GSK3B: variants seen among roughly 807,000 people sequenced by gnomAD.
GSK3B encodes glycogen synthase kinase-3 beta.
Under a neutral mutation model 56.4 loss-of-function variants are expected in GSK3B, and 15 were observed. The ratio of observed to expected loss-of-function variants is 0.27; its 90% CI spans 0.18 to 0.41. The LOEUF (loss-of-function observed/expected upper bound fraction) is 0.41, where lower values mean the gene tolerates loss of function less well. Ranked by LOEUF, GSK3B falls within the 10% of genes least tolerant of loss-of-function variation. The pLI is 1.00. For synonymous variants in GSK3B, 181 were observed against 188.9 expected, an observed-to-expected ratio of 0.96 and a Z score of 0.34; for missense variants, 300 against 513.4, an observed-to-expected ratio of 0.58 and a Z score of 4.02.
Position 120,046,862 on chromosome 3 carries a change from C to T in GSK3B, c.89-44623G>A, listed in dbSNP as rs554932484. ...CTAACCTCAAGTGATCTGCCCGCCT[C>T]GGCCTCCCAAAGTGCTGGGATTATG... On this transcript the variant is annotated intron_variant, in intron 1 of 10. Transcript: ENST00000264235. Among the ~76,000 whole-genome samples the T allele has an allele frequency of 3.2e-3, 484 of 152,292 alleles. 1 individual carries two copies. The highest frequency in any genetic ancestry group is 5.8e-3 in the Non-Finnish European group (392 of 68,018).
At position 119,854,796 on chromosome 3, in the gene GSK3B, C is replaced by T. The variant is rs554146205; in HGVS notation, c.1096+8623G>A. 4.0e-4 allele frequency among the ~76,000 whole-genome samples: 60 copies of T among 151,894 alleles called. No homozygotes were observed. In the East Asian group the frequency reaches 9.7e-3, roughly 25 times the overall value. ...TTTATCATTTTTTATTGCGTCTATT[C>T]GATTCTTCTCTCTTTTCTTCTTTAT... On this transcript the variant is annotated intron_variant, in intron 9 of 10. Transcript: ENST00000264235.
At chr3:119,893,766 C>G (rs1369266596) in intron 7 of GSK3B, among the ~76,000 whole-genome samples, 4 of 151,930 alleles carry the variant, frequency 2.6e-5, no homozygotes, top group Non-Finnish European at 5.9e-5. Flanking sequence ...TCTGAGAAAC[C>G]CTTTAGAGTC....
intron 8 of GSK3B, among the ~76,000 whole-genome samples, chr3:119,870,699 T>C (rs1432405850): frequency 1.3e-5 from 2 of 152,130 alleles, no homozygotes; most frequent in South Asian, 4.1e-4. Context: ...ATAATAAGGA[T>C]GTGGGTAGAA....
chr3:119,985,281 C>A (rs887864177), intron 2 of GSK3B, among the ~76,000 whole-genome samples: 4 of 152,150 alleles, frequency 2.6e-5, no homozygotes, highest in African/African-American at 9.7e-5. Flanking sequence ...CAACACAAGA[C>A]AAGGATGCCC....
chr3:119,827,723 C>CA (rs1170962932), intron 10 of GSK3B, among the ~76,000 whole-genome samples: 7 of 151,404 alleles, frequency 4.6e-5, no homozygotes, highest in Non-Finnish European at 7.4e-5. Context: ...ATAAGCCAGA[C>CA]AGAGAAAGAC....
At chr3:119,941,437 G>C (rs1249048479) in intron 3 of GSK3B, among the ~76,000 whole-genome samples, 1 of 152,148 alleles carries the variant, frequency 6.6e-6, no homozygotes, top group Non-Finnish European at 1.5e-5. Flanking sequence ...AAACACTATA[G>C]CATACTATAC....
chr3:119,953,099 C>T (rs1046740366), intron 2 of GSK3B, among the ~76,000 whole-genome samples: 1 of 151,950 alleles, frequency 6.6e-6, no homozygotes, highest in African/African-American at 2.4e-5. Context: ...AGCACAAGTG[C>T]TATATTTTAC....
At chr3:119,844,031 G>A (rs12330290) in intron 9 of GSK3B, among the ~76,000 whole-genome samples, 2,764 of 152,086 alleles carry the variant, frequency 0.018, 92 homozygotes, top group African/African-American at 0.063. Flanking sequence ...ACTCAAAACC[G>A]CACAACTACA....
At chr3:120,032,846 C>G (rs2057989062) in intron 1 of GSK3B, among the ~76,000 whole-genome samples, 1 of 152,166 alleles carries the variant, frequency 6.6e-6, no homozygotes, top group South Asian at 2.1e-4. Context: ...ATTCAATGTA[C>G]TTTTTAAACC....
At chr3:119,826,976 G>T in intron 10 of GSK3B, 121 bp from the exon 11 acceptor site, 1 of 658,648 alleles carries the variant, frequency 1.5e-6, no homozygotes, top group Non-Finnish European at 2.7e-6. Context: ...TATTTGGAAC[G>T]TTGTTTTAAA....
intron 6 of GSK3B, among the ~76,000 whole-genome samples, chr3:119,908,171 C>T (rs936927459): frequency 2.6e-5 from 4 of 152,122 alleles, no homozygotes; most frequent in Non-Finnish European, 5.9e-5. Context: ...GAAGCCAAAC[C>T]TAGGCTTGCT....
At position 119,935,837 on chromosome 3, in the gene GSK3B, T is replaced by C. The variant is rs910572710; in HGVS notation, c.366+11431A>G. 3.3e-5 allele frequency among the ~76,000 whole-genome samples: 5 copies of C among 152,248 alleles called. 1 individual carries two copies. The highest frequency in any genetic ancestry group is 4.1e-4 in the South Asian group (2 of 4,824). On this transcript the variant is annotated intron_variant, in intron 3 of 10. Transcript: ENST00000264235. ...TACTGATCGATATCCCTTATGAATA[T>C]AGATGCAAAAACTCTTAACAAAGTA...
At chr3:119,926,328 CCACA>C (rs146771538) in intron 3 of GSK3B, among the ~76,000 whole-genome samples, 64 of 146,846 alleles carry the variant, frequency 4.4e-4, no homozygotes, top group South Asian at 1.1e-3. Flanking sequence ...TCTTACACTT[CCACA>C]CACACACACA....
rs1197159924 is a variant in GSK3B at position 119,823,224 on chromosome 3, CCTT to C, written c.*3561_*3563del. ...CATTCTATTTTTCTTTCAAAAAAGG[CCTT>C]CGTGTTGGGCACACAGTAAGAATTA... is the stretch of plus-strand genomic sequence containing the variant. On this transcript the variant is annotated 3_prime_UTR_variant, in exon 11 of 11. Transcript: ENST00000264235. 2.2e-5 allele frequency: 5 copies of C among 225,296 alleles called. No homozygotes were observed. The highest frequency in any genetic ancestry group is 4.4e-5 in the Non-Finnish European group (5 of 113,102). 14.0% of individuals were successfully genotyped at this position (225,296 alleles called of 1,614,324 possible).
At position 119,823,540 on chromosome 3, in the gene GSK3B, G is replaced by C. The variant is rs961672591; in HGVS notation, c.*3248C>G. On this transcript the variant is annotated 3_prime_UTR_variant, in exon 11 of 11. Coordinates refer to ENST00000264235, the MANE Select transcript of GSK3B (RefSeq NM_001146156.2). ...AGAGGAGAGAGAGAGAGCATGGAAGGCTCCCAGAATCTGCTGTTTTTAAGA... is the reference window on the plus strand; with the variant it reads ...AGAGGAGAGAGAGAGAGCATGGAAGCCTCCCAGAATCTGCTGTTTTTAAGA... 5.3e-6 allele frequency: 1 copy of C among 187,860 alleles called. No homozygotes were observed. The highest frequency in any genetic ancestry group is 2.3e-5 in the African/African-American group (1 of 42,770). The allele number at this position is 187,860 out of a possible 1,614,324, so 11.6% of individuals were successfully genotyped here. A position where few individuals can be genotyped will look rare whatever the true frequency, so the allele number is the denominator to read the frequency against.
chr3:119,874,750 T>C (rs1218833398), intron 8 of GSK3B, among the ~76,000 whole-genome samples: 1 of 151,966 alleles, frequency 6.6e-6, no homozygotes, highest in Non-Finnish European at 1.5e-5. Flanking sequence ...GAAAATAAAA[T>C]CATGCACTTT....
chr3:119,944,915 G>T (rs1026980729), intron 3 of GSK3B, among the ~76,000 whole-genome samples: 1 of 152,156 alleles, frequency 6.6e-6, no homozygotes, highest in African/African-American at 2.4e-5. Flanking sequence ...AGACATTTAG[G>T]TTCCTTTCTA....
chr3:119,921,593 G>A (rs1392555872), intron 4 of GSK3B, among the ~76,000 whole-genome samples: 6 of 152,116 alleles, frequency 3.9e-5, no homozygotes, highest in African/African-American at 1.4e-4. Context: ...GACCAAGAAA[G>A]TATAGGTCAA....
chr3:120,094,392 G>C lies in GSK3B; in HGVS notation c.-958C>G. 1 of 314,324 alleles carries C rather than the reference G, an allele frequency of 3.2e-6. No homozygotes were observed. Among genetic ancestry groups the C allele is most frequent in the Non-Finnish European group, 5.8e-6 (1 of 170,970 alleles). 19.5% of individuals were successfully genotyped at this position (314,324 alleles called of 1,614,324 possible). A position where few individuals can be genotyped will look rare whatever the true frequency, so the allele number is the denominator to read the frequency against. ...CCTTTGTCACTTGGCCCGGGCGGCG[G>C]CGGCGGCGGCGGCGGCACAAGCCCG... is the stretch of plus-strand genomic sequence containing the variant. On this transcript the variant is annotated 5_prime_UTR_variant, in exon 1 of 11. Transcript: ENST00000264235.
Sources: gnomAD v4.1 joint callset for allele counts (sites outside exome capture counted in the v4.1 genomes callset) on GRCh38, gnomAD v4.1.1 for gene constraint, MANE v1.5 for transcripts, NCBI Gene and HGNC (gene_info 2026-07-23, HGNC 2026-07-21) for gene names.